CUL5: variants seen among roughly 807,000 people sequenced by gnomAD.
The protein encoded by CUL5 is cullin-5.
Under a neutral mutation model 108.8 loss-of-function variants are expected in CUL5, and 26 were observed. That is an observed-to-expected ratio of 0.24 (90% CI 0.18 to 0.33). The LOEUF is 0.33. CUL5 is among the 10% of genes least tolerant of loss of function. CUL5 has a pLI of 1.00. For synonymous variants in CUL5, 334 were observed against 298.0 expected, an observed-to-expected ratio of 1.12 and a Z score of -1.25; for missense variants, 524 against 909.2, an observed-to-expected ratio of 0.58 and a Z score of 5.45.
rs58512172 is a variant in CUL5, at chr11:108,024,762, G to T, written c.25-9040G>T. 1.0e-3 allele frequency among the ~76,000 whole-genome samples: 152 copies of T among 152,234 alleles called. 1 individual carries two copies. Among genetic ancestry groups the T allele is most frequent in the African/African-American group, 3.3e-3 (138 of 41,534 alleles). On this transcript the variant is annotated intron_variant, in intron 1 of 18. Transcript: ENST00000393094. ...TTGGCCTTTATAATCCCCAATTAGT[G>T]AAATGCCATATATTTGCAATAAAAA...
At chr11:108,067,921 A>AT in intron 7 of CUL5, among the ~76,000 whole-genome samples, 1 of 150,934 alleles carries the variant, frequency 6.6e-6, no homozygotes, top group East Asian at 2.0e-4. Flanking sequence ...TCTTTTCTTT[A>AT]TTTTTCTTTT....
chr11:108,102,993 G>A (rs867265510), intron 18 of CUL5, among the ~76,000 whole-genome samples: 4 of 151,734 alleles, frequency 2.6e-5, no homozygotes, highest in South Asian at 2.1e-4. Flanking sequence ...ATGGGGTTTC[G>A]CCATGTTGCC....
intron 7 of CUL5, among the ~76,000 whole-genome samples, chr11:108,066,302 C>G (rs1863676251): frequency 6.6e-6 from 1 of 152,068 alleles, no homozygotes; most frequent in South Asian, 2.1e-4. Context: ...CAAGATCACG[C>G]CACTGCACTC....
chr11:108,047,522 A>G (rs1056755329), intron 3 of CUL5, among the ~76,000 whole-genome samples: 6 of 152,222 alleles, frequency 3.9e-5, no homozygotes, highest in Admixed American at 6.5e-5. Context: ...AGATATTGAA[A>G]TCAAGTATAT....
In CUL5 at chr11:108,072,541, G is replaced by A. The variant is rs543970346; in HGVS notation, c.1005+79G>A. ...TGTAGGATTATTGAAAATAGTGAGC[G>A]GTTACCAGAGGCTGGGGGTTGGGGG... On this transcript the variant is annotated intron_variant, in intron 9 of 18. Coordinates refer to ENST00000393094, the MANE Select transcript of CUL5 (RefSeq NM_003478.6). 720 of 1,216,238 alleles carry A rather than the reference G, an allele frequency of 5.9e-4. 7 individuals carry two copies. In the African/African-American group the frequency reaches 7.9e-3, roughly 13 times the overall value. 75.3% of individuals were successfully genotyped at this position (1,216,238 alleles called of 1,614,324 possible).
At chr11:108,091,691 T>TCACACACACA (rs1170721478) in intron 13 of CUL5, among the ~76,000 whole-genome samples, 2 of 59,764 alleles carry the variant, frequency 3.3e-5, no homozygotes, top group Non-Finnish European at 7.1e-5. Flanking sequence ...CCTGTCTCTC[T>TCACACACACA]CACTCACACA....
In CUL5 at chr11:108,052,681, G is replaced by A; in HGVS notation, c.433G>A (p.Glu145Lys). The A allele has an allele frequency of 6.2e-7, 1 of 1,611,288 alleles. No individual in the cohort carries two copies. The highest frequency in any genetic ancestry group is 8.5e-7 in the Non-Finnish European group (1 of 1,178,466). Residue 145 changes from glutamate to lysine, a missense_variant, in exon 5 of 19, where the codon GAG becomes AAG. By Grantham distance (56) the Glu-to-Lys change is moderately conservative. Coordinates refer to ENST00000393094, the MANE Select transcript of CUL5 (RefSeq NM_003478.6). The part of the protein sequence containing the change: ...VRKLMLDTWN[E>K]SIFSNIKNRL... Reference sequence around the variant, plus strand: ...CTAGCTTATGCTTGATACATGGAATGAGTCAATCTTTTCAAACATAAAAAA... The same window carrying A: ...CTAGCTTATGCTTGATACATGGAATAAGTCAATCTTTTCAAACATAAAAAA...
chr11:108,016,284 T>A (rs1862188724), intron 1 of CUL5, among the ~76,000 whole-genome samples: 1 of 152,080 alleles, frequency 6.6e-6, no homozygotes. Flanking sequence ...TCTTTTCTGT[T>A]GAGACAGGGT....
intron 1 of CUL5, among the ~76,000 whole-genome samples, chr11:108,014,445 T>G (rs1249396469): frequency 6.6e-6 from 1 of 152,108 alleles, no homozygotes; most frequent in Non-Finnish European, 1.5e-5. Context: ...AGGCAAGGGG[T>G]TTGAAATAAA....
chr11:108,016,220 A>G (rs989831253), intron 1 of CUL5, among the ~76,000 whole-genome samples: 1 of 151,432 alleles, frequency 6.6e-6, no homozygotes, highest in African/African-American at 2.4e-5. Flanking sequence ...AGTCAGCCAG[A>G]GAGGTTTTTC....
intron 8 of CUL5, 103 bp downstream of exon 8, chr11:108,070,292 A>G: frequency 2.6e-6 from 2 of 766,996 alleles, no homozygotes; most frequent in Non-Finnish European, 4.5e-6. Flanking sequence ...CCACATAGGT[A>G]TATGTGGAAC....
At chr11:108,059,959 G>A (rs1863494456) in intron 7 of CUL5, among the ~76,000 whole-genome samples, 1 of 152,020 alleles carries the variant, frequency 6.6e-6, no homozygotes, top group Admixed American at 6.6e-5. Flanking sequence ...AAGCATTTGA[G>A]CACTGTGCCT....
intron 16 of CUL5, among the ~76,000 whole-genome samples, chr11:108,096,436 C>A (rs1864497542): frequency 6.6e-6 from 1 of 150,868 alleles, no homozygotes; most frequent in South Asian, 2.1e-4. Context: ...CAGTGAGCCA[C>A]AATCACACCA....
intron 16 of CUL5, among the ~76,000 whole-genome samples, chr11:108,096,329 A>T (rs1486753680): frequency 5.3e-4 from 7 of 13,324 alleles, no homozygotes; most frequent in South Asian, 2.5e-3. Flanking sequence ...TCCCATCTCT[A>T]AAAAAAAAAA....
At position 108,104,179 on chromosome 11, in the gene CUL5, TTTTC is replaced by T; in HGVS notation, c.2149-7_2149-4del. 1.3e-6 allele frequency: 2 copies of T among 1,521,810 alleles called. No homozygotes were observed. Among genetic ancestry groups the T allele is most frequent in the Non-Finnish European group, 1.8e-6 (2 of 1,125,674 alleles). 94.3% of individuals were successfully genotyped at this position (1,521,810 alleles called of 1,614,324 possible). On this transcript the variant is annotated splice_region_variant and splice_polypyrimidine_tract_variant and intron_variant, in intron 18 of 18. Coordinates refer to ENST00000393094, the MANE Select transcript of CUL5 (RefSeq NM_003478.6). ...ATATTAATGCGCTTTTATTTTTATTTTTTCTTTTAGGAAGCTATCATACAAATAA... is the reference window on the plus strand; with the variant it reads ...ATATTAATGCGCTTTTATTTTTATTTTTTTAGGAAGCTATCATACAAATAA...
In CUL5 at chr11:108,095,443, C is replaced by G. The variant is rs1004706896; in HGVS notation, c.1744-87C>G. ...AAGAGTGGATACTGGAAGACAGCAA[C>G]CTTTTTCATATATAAATTCATGTCA... On this transcript the variant is annotated intron_variant, in intron 15 of 18. Coordinates refer to ENST00000393094, the MANE Select transcript of CUL5 (RefSeq NM_003478.6). 1.3e-5 allele frequency: 12 copies of G among 952,782 alleles called. No individual in the cohort carries two copies. The East Asian group carries it at 3.0e-4, about 23-fold the overall frequency. The allele number at this position is 952,782 out of a possible 1,614,324, so 59.0% of individuals were successfully genotyped here.
At chr11:108,094,608 T>C in intron 14 of CUL5, 94 bp downstream of exon 14, 1 of 860,998 alleles carries the variant, frequency 1.2e-6, no homozygotes, top group East Asian at 2.9e-5. Flanking sequence ...CAGTAATAGA[T>C]CGAAAGATGT....
At chr11:108,087,100 A>C (rs975844972) in intron 11 of CUL5, among the ~76,000 whole-genome samples, 1 of 152,170 alleles carries the variant, frequency 6.6e-6, no homozygotes, top group African/African-American at 2.4e-5. Flanking sequence ...GAGGTGTTCA[A>C]ATAATTGAAT....
chr11:108,041,290 T>TC (rs112495311), intron 2 of CUL5, among the ~76,000 whole-genome samples: 1 of 151,680 alleles, frequency 6.6e-6, no homozygotes, highest in East Asian at 1.9e-4. Context: ...TTTTTCTTTT[T>TC]TTTTTTTTTG....
Sources: gnomAD v4.1 joint callset for allele counts (sites outside exome capture counted in the v4.1 genomes callset) on GRCh38, gnomAD v4.1.1 for gene constraint, MANE v1.5 for transcripts, NCBI Gene and HGNC (gene_info 2026-07-23, HGNC 2026-07-21) for gene names.